Variants in BRD10 observed in about 807,000 individuals in gnomAD.
BRD10 encodes bromodomain containing 10, also known as uncharacterized bromodomain-containing protein 10.
At chr9:5,922,919 G>A in the BRD10 span, 4 of 1,613,882 alleles carry the variant, frequency 2.5e-6, no homozygotes, top group African/African-American at 1.3e-5. Context: ...ACCTGTGGAA[G>A]GAGGCAGTTG....
chr9:6,007,136 A>T, the BRD10 span: 3 of 1,526,376 alleles, frequency 2.0e-6, no homozygotes, highest in South Asian at 3.6e-5. Context: ...ATCCTCGGGC[A>T]CGTGTGAGTG....
At chr9:5,910,250 G>A in the BRD10 span, 1 of 152,016 alleles carries the variant, frequency 6.6e-6, no homozygotes, top group Non-Finnish European at 1.5e-5. Flanking sequence ...AAATCATCTT[G>A]TCTCATCAGA....
the BRD10 span, chr9:5,923,397 T>C: frequency 9.9e-7 from 1 of 1,010,654 alleles, no homozygotes; most frequent in Non-Finnish European, 1.4e-6. Context: ...AGTCAATCTT[T>C]GAGCTGGCAG....
the BRD10 span, among the ~76,000 whole-genome samples, chr9:5,954,375 C>G: frequency 6.6e-6 from 1 of 152,102 alleles, no homozygotes; most frequent in Non-Finnish European, 1.5e-5. Flanking sequence ...CAAGATTAGG[C>G]AAAAAAGTCA....
the BRD10 span, among the ~76,000 whole-genome samples, chr9:5,901,507 A>T: frequency 1.3e-5 from 2 of 152,174 alleles, no homozygotes; most frequent in Middle Eastern, 6.8e-3. Flanking sequence ...GATGTATCAG[A>T]ATAATTCATT....
the BRD10 span, among the ~76,000 whole-genome samples, chr9:5,940,473 G>A: frequency 1.2e-3 from 184 of 152,238 alleles, no homozygotes; most frequent in Admixed American, 2.2e-3. Context: ...GATTACAGGC[G>A]TGAGCCACCG....
At chr9:5,925,486 A>G in the BRD10 span, among the ~76,000 whole-genome samples, 1 of 152,154 alleles carries the variant, frequency 6.6e-6, no homozygotes, top group African/African-American at 2.4e-5. Context: ...TGAGACAACT[A>G]ATTTTTTTTC....
At chr9:5,919,288 T>C in the BRD10 span, 1 of 155,304 alleles carries the variant, frequency 6.4e-6, no homozygotes, top group African/African-American at 2.4e-5. Context: ...ATTTCACTAA[T>C]GACACTGAAT....
chr9:5,915,536 T>C, the BRD10 span, among the ~76,000 whole-genome samples: 3 of 152,200 alleles, frequency 2.0e-5, no homozygotes, highest in Non-Finnish European at 4.4e-5. Context: ...TCATTCCCTA[T>C]GGGTCCTCTT....
chr9:5,993,950 A>G, the BRD10 span, among the ~76,000 whole-genome samples: 300 of 152,234 alleles, frequency 2.0e-3, no homozygotes, highest in Non-Finnish European at 3.4e-3. Context: ...CTGACAAAAA[A>G]ATTTGCATAT....
At chr9:5,965,056 T>TAAAAAAAAAAAAAAAAA in the BRD10 span, among the ~76,000 whole-genome samples, 1 of 118,278 alleles carries the variant, frequency 8.5e-6, no homozygotes. Context: ...TAAAGTATAA[T>TAAAAAAAAAAAAAAAAA]AAAAAAAAAA....
chr9:5,920,528 G>C, the BRD10 span: 8 of 1,613,958 alleles, frequency 5.0e-6, no homozygotes, highest in Non-Finnish European at 6.8e-6. Flanking sequence ...AAAATTGGAC[G>C]TATTAGTTAT....
chr9:5,897,458 T>A, the BRD10 span: 1 of 1,077,836 alleles, frequency 9.3e-7, no homozygotes, highest in Non-Finnish European at 1.4e-6. Flanking sequence ...CTGCTCTGGG[T>A]CGTCAAAGTC....
At chr9:5,963,991 A>G in the BRD10 span, among the ~76,000 whole-genome samples, 5 of 152,198 alleles carry the variant, frequency 3.3e-5, no homozygotes, top group Non-Finnish European at 5.9e-5. Flanking sequence ...GGACATAGGC[A>G]TGGGCAAGGA....
the BRD10 span, among the ~76,000 whole-genome samples, chr9:5,946,547 A>C: frequency 2.0e-5 from 3 of 152,102 alleles, no homozygotes; most frequent in East Asian, 5.8e-4. Flanking sequence ...GTGGATTTTT[A>C]TTAAGTATTC....
the BRD10 span, among the ~76,000 whole-genome samples, chr9:5,984,845 G>A: frequency 1.3e-5 from 2 of 151,726 alleles, no homozygotes; most frequent in East Asian, 3.9e-4. Context: ...CAATTATCCA[G>A]AAACTGATAA....
the BRD10 span, chr9:6,007,045 CCA>C: frequency 1.3e-6 from 1 of 781,916 alleles, no homozygotes; most frequent in Non-Finnish European, 2.0e-6. Context: ...CGGTCCCCGC[CCA>C]GCGCCGCTCC....
the BRD10 span, chr9:5,919,154 G>A: frequency 6.6e-6 from 1 of 152,496 alleles, no homozygotes; most frequent in Non-Finnish European, 1.5e-5. Context: ...ATAGTTCTTT[G>A]TACATATATT....
the BRD10 span, among the ~76,000 whole-genome samples, chr9:5,942,266 A>G: frequency 6.6e-6 from 1 of 152,130 alleles, no homozygotes; most frequent in African/African-American, 2.4e-5. Flanking sequence ...GAAAAGGTTA[A>G]ATTGTGTTTA....
Sources: allele counts gnomAD v4.1 joint callset (sites outside exome capture counted in the v4.1 genomes callset), GRCh38; gene constraint gnomAD v4.1.1; transcripts MANE v1.5; gene names NCBI Gene and HGNC (gene_info 2026-07-23, HGNC 2026-07-21).